PRKG1: variants seen among roughly 807,000 people sequenced by gnomAD.
The protein encoded by PRKG1 is protein kinase cGMP-dependent 1, also known as cGMP-dependent protein kinase 1.
In PRKG1, 35 loss-of-function variants were observed where a neutral mutation model predicts 88.1. The observed-to-expected ratio is 0.40, with a 90% CI of 0.30 to 0.53. The LOEUF (loss-of-function observed/expected upper bound fraction) is 0.53. Ranked by LOEUF, PRKG1 falls within the 20% of genes least tolerant of loss-of-function variation. PRKG1 has a pLI of 0.59. For missense variants in PRKG1, 540 were observed against 839.8 expected, an observed-to-expected ratio of 0.64 and a Z score of 4.41; for synonymous variants, 303 against 292.5, an observed-to-expected ratio of 1.04 and a Z score of -0.37.
intron 5 of PRKG1, among the ~76,000 whole-genome samples, chr10:52,014,145 AG>A (rs1161587618): frequency 1.3e-5 from 2 of 152,174 alleles, no homozygotes; most frequent in East Asian, 3.9e-4. Flanking sequence ...GGTATTTCAA[AG>A]ATTATTGTGT....
chr10:51,151,741 G>T (rs1454206933), intron 1 of PRKG1, among the ~76,000 whole-genome samples: 1 of 151,834 alleles, frequency 6.6e-6, no homozygotes, highest in East Asian at 1.9e-4. Context: ...ATTCTTCATA[G>T]TAATGAAATT....
Position 51,016,361 on chromosome 10 carries a change from T to G in PRKG1, c.266+24717T>G, listed in dbSNP as rs551133179. Among the ~76,000 whole-genome samples the G allele has an allele frequency of 2.0e-5, 3 of 152,300 alleles. No homozygotes were observed. The South Asian group carries it at 6.2e-4, about 32-fold the overall frequency. The stretch of plus-strand genomic sequence containing the variant: ...TGGCCCTCTGTTGCTTTTTATGTAA[T>G]TAAATCTTTGTTATTATGATTGAAT... On this transcript the variant is annotated intron_variant, in intron 1 of 17. Coordinates refer to the PRKG1 transcript ENST00000401604.
intron 2 of PRKG1, among the ~76,000 whole-genome samples, chr10:51,192,405 C>T (rs994528312): frequency 6.6e-5 from 10 of 151,794 alleles, no homozygotes; most frequent in African/African-American, 2.2e-4. Context: ...TTCTAAAACT[C>T]TTGACACAAA....
intron 2 of PRKG1, among the ~76,000 whole-genome samples, chr10:51,441,462 C>T (rs572072604): frequency 1.3e-5 from 2 of 152,080 alleles, no homozygotes; most frequent in East Asian, 3.9e-4. Context: ...CCTCCCCTAG[C>T]ATCAAGTCCT....
At chr10:51,355,944 G>A (rs1842357042) in intron 2 of PRKG1, among the ~76,000 whole-genome samples, 1 of 152,014 alleles carries the variant, frequency 6.6e-6, no homozygotes, top group East Asian at 1.9e-4. Context: ...AGGAAAAAGG[G>A]TGGGAAAAGC....
chr10:51,201,311 G>T (rs938970921), intron 2 of PRKG1, among the ~76,000 whole-genome samples: 13 of 152,082 alleles, frequency 8.5e-5, no homozygotes, highest in Non-Finnish European at 1.6e-4. Flanking sequence ...AGTTAGCCGG[G>T]CGTGGTGGCA....
chr10:51,690,269 C>A (rs1044271451), intron 3 of PRKG1, among the ~76,000 whole-genome samples: 5 of 152,130 alleles, frequency 3.3e-5, no homozygotes, highest in African/African-American at 1.2e-4. Context: ...TCACCTCCCA[C>A]AAGGCCCCTC....
At chr10:52,234,274 G>T (rs934070753) in intron 9 of PRKG1, among the ~76,000 whole-genome samples, 3 of 152,216 alleles carry the variant, frequency 2.0e-5, no homozygotes, top group African/African-American at 7.2e-5. Flanking sequence ...TCCTCCAAAG[G>T]AACGCAGTTC....
At chr10:51,786,347 G>A (rs572556696) in intron 3 of PRKG1, among the ~76,000 whole-genome samples, 1 of 152,102 alleles carries the variant, frequency 6.6e-6, no homozygotes, top group African/African-American at 2.4e-5. Flanking sequence ...TTGATTTTGG[G>A]GATGGGACTC....
intron 2 of PRKG1, among the ~76,000 whole-genome samples, chr10:51,155,128 A>T (rs1846174350): frequency 6.6e-6 from 1 of 152,040 alleles, no homozygotes; most frequent in Non-Finnish European, 1.5e-5. Flanking sequence ...TTGCTGTTTC[A>T]TTCAAGAAAC....
intron 4 of PRKG1, among the ~76,000 whole-genome samples, chr10:51,848,278 G>T (rs1168884016): frequency 6.6e-6 from 1 of 152,082 alleles, no homozygotes; most frequent in Non-Finnish European, 1.5e-5. Context: ...TGAATTTGGG[G>T]TTGGTATAAA....
At chr10:51,183,344 T>C (rs1837400639) in intron 2 of PRKG1, among the ~76,000 whole-genome samples, 1 of 152,198 alleles carries the variant, frequency 6.6e-6, no homozygotes, top group Non-Finnish European at 1.5e-5. Flanking sequence ...AGCTGTTCTG[T>C]GTTGTACTTT....
At chr10:50,999,937 A>G (rs916635435) in intron 1 of PRKG1, among the ~76,000 whole-genome samples, 4 of 152,218 alleles carry the variant, frequency 2.6e-5, no homozygotes, top group African/African-American at 7.2e-5. Context: ...TTCTCTTCCC[A>G]CATGCTACTT....
In PRKG1 at chr10:51,482,974, G is replaced by A. The variant is rs186280452; in HGVS notation, c.592+15138G>A. The stretch of plus-strand genomic sequence containing the variant: ...TTTTTAATTACCTCATAACTTTAGA[G>A]ATTTCTAAGGTTTCCTGAATCTTTT... On this transcript the variant is annotated intron_variant, in intron 3 of 17. Coordinates refer to ENST00000373980, the MANE Select transcript of PRKG1 (RefSeq NM_006258.4). 1.5e-3 allele frequency among the ~76,000 whole-genome samples: 217 copies of A among 148,668 alleles called. 1 individual carries two copies. Among genetic ancestry groups the A allele is most frequent in the Non-Finnish European group, 2.1e-3 (140 of 67,358 alleles).
chr10:52,292,999 T>C (rs1239534339), intron 17 of PRKG1, among the ~76,000 whole-genome samples: 1 of 152,154 alleles, frequency 6.6e-6, no homozygotes, highest in Non-Finnish European at 1.5e-5. Flanking sequence ...CATGATTATA[T>C]ATACAGAAAA....
At chr10:51,981,585 CAATAAATA>C (rs1162481842) in intron 5 of PRKG1, among the ~76,000 whole-genome samples, 2 of 151,632 alleles carry the variant, frequency 1.3e-5, no homozygotes, top group Non-Finnish European at 2.9e-5. Context: ...GACTCTGTCT[CAATAAATA>C]AATAAATAAA....
At chr10:52,262,334 C>T (rs1451437024) in intron 10 of PRKG1, among the ~76,000 whole-genome samples, 2 of 151,970 alleles carry the variant, frequency 1.3e-5, no homozygotes, top group Non-Finnish European at 2.9e-5. Context: ...TACAGTGGTA[C>T]AATCTTGGCT....
rs527291600 is a variant in PRKG1 at position 51,684,127 on chromosome 10, A to G, written c.593-120458A>G. ...ATGAAAACAACACAAATATCCATCA[A>G]CTGGTGAATGAATAAATAAAATGTG... On this transcript the variant is annotated intron_variant, in intron 3 of 17. Coordinates refer to ENST00000373980, the MANE Select transcript of PRKG1 (RefSeq NM_006258.4). Among the ~76,000 whole-genome samples the G allele has an allele frequency of 4.0e-4, 61 of 152,348 alleles. 1 individual carries two copies. In the South Asian group the frequency reaches 7.0e-3, roughly 18 times the overall value.
intron 4 of PRKG1, among the ~76,000 whole-genome samples, chr10:51,839,792 C>T (rs1840224314): frequency 6.6e-6 from 1 of 152,182 alleles, no homozygotes; most frequent in Non-Finnish European, 1.5e-5. Flanking sequence ...TTCTCACTGA[C>T]CCAGTCCCAT....
Sources: allele counts gnomAD v4.1 joint callset (sites outside exome capture counted in the v4.1 genomes callset), GRCh38; gene constraint gnomAD v4.1.1; transcripts MANE v1.5; gene names NCBI Gene and HGNC (gene_info 2026-07-23, HGNC 2026-07-21).